FAM229B: variants seen among roughly 807,000 people sequenced by gnomAD.
The protein encoded by FAM229B is family with sequence similarity 229 member B, also known as protein FAM229B.
Under a neutral mutation model 6.7 loss-of-function variants are expected in FAM229B, and 2 were observed. The observed-to-expected ratio is 0.30, with a 90% CI of 0.12 to 0.94. The LOEUF (loss-of-function observed/expected upper bound fraction) is 0.94, where lower values mean the gene tolerates loss of function less well. Among genes scored for constraint, FAM229B ranks in the 40% least tolerant of loss-of-function variants. FAM229B has a pLI of 0.54. For missense variants in FAM229B, 93 were observed against 96.2 expected, an observed-to-expected ratio of 0.97 and a Z score of 0.14; for synonymous variants, 29 against 34.0, an observed-to-expected ratio of 0.85 and a Z score of 0.51.
chr6:112,102,255 G>T lies in FAM229B; in HGVS notation c.*1468G>T, dbSNP rs1398481081. The T allele has an allele frequency of 6.6e-6, 1 of 152,162 alleles. No homozygotes were observed. Among genetic ancestry groups the T allele is most frequent in the Non-Finnish European group, 1.5e-5 (1 of 68,026 alleles). 9.4% of individuals were successfully genotyped at this position (152,162 alleles called of 1,614,324 possible). ...TCCTGGCACTTTGGGAGGCCGAAGTGGATGGATTATCTGAGGTCAGGCATT... is the reference window on the plus strand; with the variant it reads ...TCCTGGCACTTTGGGAGGCCGAAGTTGATGGATTATCTGAGGTCAGGCATT... On this transcript the variant is annotated 3_prime_UTR_variant, in exon 4 of 4. Coordinates refer to ENST00000368656, the MANE Select transcript of FAM229B (RefSeq NM_001033564.3).
intron 1 of FAM229B, among the ~76,000 whole-genome samples, chr6:112,096,769 A>G (rs1456263546): frequency 1.3e-5 from 2 of 152,064 alleles, no homozygotes; most frequent in Non-Finnish European, 2.9e-5. Context: ...ATGAGGATGT[A>G]GACAGATGGG....
chr6:112,101,996 A>G lies in FAM229B; in HGVS notation c.*1209A>G, dbSNP rs1003957440. ...CATAAGAGATCCAAACTGGAGCTAG[A>G]CTAAAGGCTAATGTATACCAATTTT... On this transcript the variant is annotated 3_prime_UTR_variant, in exon 4 of 4. Transcript: ENST00000368656. 6.6e-6 allele frequency: 1 copy of G among 152,238 alleles called. No individual in the cohort carries two copies. Among genetic ancestry groups the G allele is most frequent in the Non-Finnish European group, 1.5e-5 (1 of 68,038 alleles). The allele number at this position is 152,238 out of a possible 1,614,324, so 9.4% of individuals were successfully genotyped here. A position where few individuals can be genotyped will look rare whatever the true frequency, so the allele number is the denominator to read the frequency against.
rs1290471480 is a variant in FAM229B, at chr6:112,102,579, A to G, written c.*1792A>G. The stretch of plus-strand genomic sequence containing the variant: ...AATAGTGGATCTTTTAATATAGTAC[A>G]TGGATCATTGAGTAGAGTCTTCAGC... On this transcript the variant is annotated 3_prime_UTR_variant, in exon 4 of 4. Coordinates refer to ENST00000368656, the MANE Select transcript of FAM229B (RefSeq NM_001033564.3). The G allele has an allele frequency of 6.6e-6, 1 of 152,324 alleles. No individual in the cohort carries two copies. Among genetic ancestry groups the G allele is most frequent in the East Asian group, 1.9e-4 (1 of 5,184 alleles). The allele number at this position is 152,324 out of a possible 1,614,324, so 9.4% of individuals were successfully genotyped here.
At chr6:112,087,837 A>T (rs1319366611) in intron 1 of FAM229B, 117 bp downstream of exon 1, 3 of 214,032 alleles carry the variant, frequency 1.4e-5, no homozygotes, top group African/African-American at 6.9e-5. Flanking sequence ...CAGTCCGTTT[A>T]TTCAGATTCC....
At chr6:112,088,796 A>G (rs1777215591) in intron 1 of FAM229B, among the ~76,000 whole-genome samples, 1 of 152,226 alleles carries the variant, frequency 6.6e-6, no homozygotes, top group Non-Finnish European at 1.5e-5. Flanking sequence ...GTCTTGGTCC[A>G]GTTTGTAGGC....
intron 1 of FAM229B, among the ~76,000 whole-genome samples, chr6:112,094,482 C>T (rs782334238): frequency 4.0e-5 from 6 of 151,612 alleles, no homozygotes; most frequent in Non-Finnish European, 5.9e-5. Context: ...TTCCTCTTTG[C>T]CCCCTCCTCA....
chr6:112,100,171 G>A (rs782190664), intron 3 of FAM229B, among the ~76,000 whole-genome samples: 4 of 152,250 alleles, frequency 2.6e-5, no homozygotes, highest in South Asian at 4.1e-4. Context: ...TCATATATTC[G>A]ATGTATTTTT....
At chr6:112,091,679 C>T (rs1178446257) in intron 1 of FAM229B, among the ~76,000 whole-genome samples, 1 of 152,012 alleles carries the variant, frequency 6.6e-6, no homozygotes, top group Non-Finnish European at 1.5e-5. Flanking sequence ...AATCACAATG[C>T]CTGGCACCCA....
Position 112,100,738 on chromosome 6 carries a change from C to T in FAM229B, c.194C>T (p.Thr65Ile). The T allele has an allele frequency of 6.2e-7, 1 of 1,614,012 alleles. No homozygotes were observed. Among genetic ancestry groups the T allele is most frequent in the Admixed American group, 1.7e-5 (1 of 60,018 alleles). Residue 65 changes from threonine (T) to isoleucine (I), a missense_variant, in exon 4 of 4, where the codon ACA (threonine) becomes ATA (isoleucine). Physicochemically the swap from Thr to Ile is moderately conservative, Grantham distance 89. Coordinates refer to ENST00000368656, the MANE Select transcript of FAM229B (RefSeq NM_001033564.3). ...GATGTTCCCGTCACTGTTTATGCAA[C>T]AACGAGAAAGCCACCTGCACAAAGC... ...ITDVPVTVYA[T>I]TRKPPAQSSK...
chr6:112,102,129 G>A lies in FAM229B; in HGVS notation c.*1342G>A, dbSNP rs1777406272. The A allele has an allele frequency of 1.3e-5, 2 of 152,112 alleles. No homozygotes were observed. The highest frequency in any genetic ancestry group is 4.8e-5 in the African/African-American group (2 of 41,430). 9.4% of individuals were successfully genotyped at this position (152,112 alleles called of 1,614,324 possible). ...TTCCTTAAAGGAAGAAAACAAAATC[G>A]AGGCAGGAAATTGCCTGAGGCTGGA... On this transcript the variant is annotated 3_prime_UTR_variant, in exon 4 of 4. Coordinates refer to ENST00000368656, the MANE Select transcript of FAM229B (RefSeq NM_001033564.3).
chr6:112,098,578 T>A (rs1180901472), intron 2 of FAM229B, among the ~76,000 whole-genome samples: 1 of 152,200 alleles, frequency 6.6e-6, no homozygotes, highest in Non-Finnish European at 1.5e-5. Context: ...ATAAGTACCT[T>A]GACTGAAGAT....
Position 112,100,872 on chromosome 6 carries a change from G to C in FAM229B, c.*85G>C. ...GGTGATCTGGTAAACAAATAAAAGTGGTGGCACCTTTAGATGATGACAACA... is the reference window on the plus strand; with the variant it reads ...GGTGATCTGGTAAACAAATAAAAGTCGTGGCACCTTTAGATGATGACAACA... On this transcript the variant is annotated 3_prime_UTR_variant, in exon 4 of 4. Transcript: ENST00000368656. 1.0e-6 allele frequency: 1 copy of C among 997,856 alleles called. No homozygotes were observed. Among genetic ancestry groups the C allele is most frequent in the Admixed American group, 1.9e-5 (1 of 52,460 alleles). The allele number at this position is 997,856 out of a possible 1,614,324, so 61.8% of individuals were successfully genotyped here. A position where few individuals can be genotyped will look rare whatever the true frequency, so the allele number is the denominator to read the frequency against.
rs1014861307 is a variant in FAM229B, at chr6:112,102,304, T to C, written c.*1517T>C. On this transcript the variant is annotated 3_prime_UTR_variant, in exon 4 of 4. Transcript: ENST00000368656. ...TTCGAAGCCAGCCTGGCCAACATGG[T>C]GAAACCCCGACTCTACTAAAAATAC... 47 of 152,052 alleles carry C rather than the reference T, an allele frequency of 3.1e-4. 1 individual carries two copies. The highest frequency in any genetic ancestry group is 1.1e-3 in the African/African-American group (46 of 41,454). 9.4% of individuals were successfully genotyped at this position (152,052 alleles called of 1,614,324 possible).
rs587657493 is a variant in FAM229B, at chr6:112,102,770, T to G, written c.*1983T>G. The G allele has an allele frequency of 2.7e-5, 4 of 149,094 alleles. No individual in the cohort carries two copies. The highest frequency in any genetic ancestry group is 9.9e-5 in the African/African-American group (4 of 40,522). The allele number at this position is 149,094 out of a possible 1,614,324, so 9.2% of individuals were successfully genotyped here. On this transcript the variant is annotated 3_prime_UTR_variant, in exon 4 of 4. Coordinates refer to ENST00000368656, the MANE Select transcript of FAM229B (RefSeq NM_001033564.3). ...GGGAGAAAACCCATCAAAATAAAAA[T>G]AAAAACTACAATAAAATCCAGCACC...
chr6:112,089,425 A>G (rs1175470201), intron 1 of FAM229B, among the ~76,000 whole-genome samples: 1 of 152,222 alleles, frequency 6.6e-6, no homozygotes, highest in Non-Finnish European at 1.5e-5. Context: ...GTGCTGAAGA[A>G]GAACTTAAGA....
chr6:112,097,335 G>A (rs1777339799), intron 2 of FAM229B, 134 bp downstream of exon 2: 1 of 152,300 alleles, frequency 6.6e-6, no homozygotes, highest in Non-Finnish European at 1.5e-5. Context: ...TTGATATTGA[G>A]ACAGTCTATA....
rs781901813 is a variant in FAM229B, at chr6:112,099,356, C to T, written c.73C>T (p.Pro25Ser). ...AGGAGATTCTTCAATTGAGCTGGAA[C>T]CTGGGCTGAGCTCCAGTGCTGCCTG... ...EGGDSSIELE[P>S]GLSSSAACNG... is the part of the protein sequence containing the mutation. The change falls in exon 3 of 4, where the codon CCT becomes TCT. Residue 25 changes from proline to serine, a missense_variant. Coordinates refer to ENST00000368656, the MANE Select transcript of FAM229B (RefSeq NM_001033564.3). 1.2e-6 allele frequency: 2 copies of T among 1,613,850 alleles called. No homozygotes were observed. Among genetic ancestry groups the T allele is most frequent in the Admixed American group, 1.7e-5 (1 of 59,986 alleles).
At chr6:112,090,486 A>T (rs1294318787) in intron 1 of FAM229B, among the ~76,000 whole-genome samples, 1 of 152,114 alleles carries the variant, frequency 6.6e-6, no homozygotes, top group Non-Finnish European at 1.5e-5. Context: ...GGTGACTTAT[A>T]TTTTAGATTT....
intron 1 of FAM229B, among the ~76,000 whole-genome samples, chr6:112,096,119 A>G (rs1777321627): frequency 6.6e-6 from 1 of 152,224 alleles, no homozygotes; most frequent in African/African-American, 2.4e-5. Flanking sequence ...TAAACTAAAC[A>G]TTACTGAGTA....
Sources: gnomAD v4.1 joint callset for allele counts (sites outside exome capture counted in the v4.1 genomes callset) on GRCh38, gnomAD v4.1.1 for gene constraint, MANE v1.5 for transcripts, NCBI Gene and HGNC (gene_info 2026-07-23, HGNC 2026-07-21) for gene names.